ZNF600: variants seen among roughly 807,000 people sequenced by gnomAD.
ZNF600 encodes the protein zinc finger protein 600.
In ZNF600, 4 loss-of-function variants were observed where a neutral mutation model predicts 7.3. That is an observed-to-expected ratio of 0.55 (90% CI 0.27 to 1.25). The LOEUF (loss-of-function observed/expected upper bound fraction) is 1.25. Among genes scored for constraint, ZNF600 ranks in the 50% most tolerant of loss-of-function variants. The probability of loss-of-function intolerance (pLI) is 0.12; values close to 1 mark genes in which losing one functional copy is unlikely to be tolerated. For synonymous variants in ZNF600, 290 were observed against 308.9 expected, an observed-to-expected ratio of 0.94 and a Z score of 0.64; for missense variants, 911 against 922.1, an observed-to-expected ratio of 0.99 and a Z score of 0.16.
chr19:52,789,531 C>T (rs1455133592), upstream of ZNF600, among the ~76,000 whole-genome samples: 3 of 152,154 alleles, frequency 2.0e-5, no homozygotes, highest in Non-Finnish European at 4.4e-5. Flanking sequence ...TGTGGAGGGG[C>T]AACCCACCTC....
At chr19:52,786,359 C>T (rs918151310) in intron 1 of ZNF600, among the ~76,000 whole-genome samples, 1 of 152,112 alleles carries the variant, frequency 6.6e-6, no homozygotes, top group African/African-American at 2.4e-5. Context: ...GGGCTGGGGC[C>T]GGGGCGCCGC....
the ZNF600 span, among the ~76,000 whole-genome samples, chr19:52,817,051 A>G: frequency 6.6e-6 from 1 of 152,012 alleles, no homozygotes; most frequent in Non-Finnish European, 1.5e-5. Context: ...TCCTGCTATT[A>G]TTTACATTGA....
chr19:52,772,362 G>A (rs2062636850), intron 3 of ZNF600, among the ~76,000 whole-genome samples: 1 of 151,750 alleles, frequency 6.6e-6, no homozygotes. Context: ...TAGCTCTTTG[G>A]GAGGCTCAGG....
At chr19:52,792,984 C>T in the ZNF600 span, among the ~76,000 whole-genome samples, 1 of 151,924 alleles carries the variant, frequency 6.6e-6, no homozygotes, top group African/African-American at 2.4e-5. Flanking sequence ...GATCCACCCA[C>T]CTCGGCCTCC....
intron 2 of ZNF600, among the ~76,000 whole-genome samples, chr19:52,777,772 T>A (rs948069826): frequency 2.6e-5 from 4 of 151,604 alleles, no homozygotes; most frequent in Admixed American, 6.6e-5. Context: ...GAGGTTGCAG[T>A]GAGCCGAGAT....
upstream of ZNF600, among the ~76,000 whole-genome samples, chr19:52,790,306 G>C (rs545865791): frequency 6.6e-5 from 10 of 152,234 alleles, no homozygotes; most frequent in Non-Finnish European, 1.5e-4. Flanking sequence ...AGAACAGCCT[G>C]GCCAACATGG....
At chr19:52,765,461 A>G (rs1355795381) in exon 4 of ZNF600, 2 of 1,381,274 alleles carry the variant, frequency 1.4e-6, no homozygotes, top group African/African-American at 2.8e-5. Context: ...AATGAACTGC[A>G]ATGTATGAAT....
At chr19:52,819,567 C>G in the ZNF600 span, among the ~76,000 whole-genome samples, 8 of 64,136 alleles carry the variant, frequency 1.2e-4, 3 homozygotes, top group South Asian at 1.0e-3. Flanking sequence ...CCCCTCATCT[C>G]CAAGTTGCAG....
At chr19:52,810,095 C>G in the ZNF600 span, 2 of 784,166 alleles carry the variant, frequency 2.6e-6, no homozygotes, top group Non-Finnish European at 2.3e-6. Flanking sequence ...CAGGAGCCAC[C>G]GGCAGCCAAG....
At chr19:52,766,434 G>A in exon 4 of ZNF600, 1 of 1,614,046 alleles carries the variant, frequency 6.2e-7, no homozygotes, top group Non-Finnish European at 8.5e-7. Flanking sequence ...ATATTTGTAA[G>A]GTTGCTCTCC....
In ZNF600 at chr19:52,766,337, C is replaced by G. The variant is rs1307050004; in HGVS notation, c.1626G>C (p.Lys542Asn). 3 of 1,614,026 alleles carry G rather than the reference C, an allele frequency of 1.9e-6. No individual in the cohort carries two copies. Among genetic ancestry groups the G allele is most frequent in the Middle Eastern group, 1.6e-4 (1 of 6,084 alleles). Residue 542 changes from lysine to asparagine, a missense_variant, in exon 4 of 4, where the codon AAG becomes AAC. Coordinates refer to ENST00000648973, the Ensembl canonical transcript of ZNF600. ...GACACGCAAAAGCCTTGTCACAAAC[C>G]TTACATTTGTATGGTTTCTCTCCGG... is the stretch of plus-strand genomic sequence containing the variant.
intron 1 of ZNF600, among the ~76,000 whole-genome samples, chr19:52,784,759 T>A (rs1486063808): frequency 6.6e-6 from 1 of 152,220 alleles, no homozygotes; most frequent in Non-Finnish European, 1.5e-5. Context: ...GACAGGGTCT[T>A]GCTCTTTTGA....
rs1227212276 is a variant in ZNF600, at chr19:52,766,813, A to G, written c.1150T>C (p.Ser384Pro). The G allele has an allele frequency of 3.5e-5, 56 of 1,613,970 alleles. No individual in the cohort carries two copies. The highest frequency in any genetic ancestry group is 6.7e-5 in the African/African-American group (5 of 74,904). ...ATTCTCTTATGTGACTCAAGGGTTGATTTCCGACTGAAAACTTTGTCACAT... is the reference window on the plus strand; with the variant it reads ...ATTCTCTTATGTGACTCAAGGGTTGGTTTCCGACTGAAAACTTTGTCACAT... Residue 384 changes from serine to proline, a missense_variant, in exon 4 of 4, where the codon TCA (serine) becomes CCA (proline). Transcript: ENST00000648973.
chr19:52,797,279 A>C, the ZNF600 span: 1 of 152,276 alleles, frequency 6.6e-6, no homozygotes, highest in African/African-American at 2.4e-5. Flanking sequence ...ATAAACAATC[A>C]GGGAAAATGG....
the ZNF600 span, among the ~76,000 whole-genome samples, chr19:52,801,924 A>G: frequency 6.6e-6 from 1 of 152,200 alleles, no homozygotes. Flanking sequence ...TCATGACAAA[A>G]CACTGACAGG....
the ZNF600 span, chr19:52,799,336 C>A: frequency 4.0e-6 from 2 of 501,990 alleles, no homozygotes; most frequent in Non-Finnish European, 3.7e-6. Flanking sequence ...AAAATCTTGT[C>A]ATAAACCTTA....
At chr19:52,765,526 AGATTCTCCAAT>A (rs2062561618) in exon 4 of ZNF600, 1 of 1,609,722 alleles carries the variant, frequency 6.2e-7, no homozygotes, top group South Asian at 1.1e-5. Flanking sequence ...TATTCATTAT[AGATTCTCCAAT>A]GATTTGCAAT....
At chr19:52,821,271 G>A in the ZNF600 span, among the ~76,000 whole-genome samples, 7,691 of 152,132 alleles carry the variant, frequency 0.051, 238 homozygotes, top group African/African-American at 0.09. Flanking sequence ...CACAGGGTGG[G>A]AATACACCTC....
chr19:52,767,070 T>C, exon 4 of ZNF600: 1 of 1,614,162 alleles, frequency 6.2e-7, no homozygotes, highest in Non-Finnish European at 8.5e-7. Context: ...GGATGATACC[T>C]GACTGAAGGA....
Sources: gnomAD v4.1 joint callset for allele counts (sites outside exome capture counted in the v4.1 genomes callset) on GRCh38, gnomAD v4.1.1 for gene constraint, MANE v1.5 for transcripts, NCBI Gene and HGNC (gene_info 2026-07-23, HGNC 2026-07-21) for gene names.